Variants in FAM209A observed in about 807,000 individuals in gnomAD.
FAM209A encodes protein FAM209A.
A neutral mutation model predicts 9.8 loss-of-function variants in FAM209A; 4 were observed. That is an observed-to-expected ratio of 0.41 (90% CI 0.20 to 0.94). The LOEUF is 0.94. Among genes scored for constraint, FAM209A ranks in the 40% least tolerant of loss-of-function variants. The pLI, the probability that FAM209A is intolerant of heterozygous loss-of-function variation, is 0.32. For missense variants in FAM209A, 205 were observed against 209.4 expected (o/e 0.98, Z 0.13); for synonymous variants, 55 against 77.8 (o/e 0.71, Z 1.54).
the FAM209A span, among the ~76,000 whole-genome samples, chr20:56,531,948 T>TC: frequency 7.2e-6 from 1 of 139,284 alleles, no homozygotes; most frequent in Non-Finnish European, 1.5e-5. Flanking sequence ...TGTATACTCT[T>TC]TTTTTCTTTT....
chr20:56,533,215 G>C, the FAM209A span: 1 of 1,544,716 alleles, frequency 6.5e-7, no homozygotes, highest in Non-Finnish European at 8.7e-7. Flanking sequence ...TCATCACAAT[G>C]GCCAGGGTGG....
chr20:56,526,654 A>C (rs1985541982), downstream of FAM209A, among the ~76,000 whole-genome samples: 1 of 151,990 alleles, frequency 6.6e-6, no homozygotes, highest in Admixed American at 6.6e-5. Context: ...ATTTAAAAAA[A>C]AAAAAAGGGG....
chr20:56,531,974 C>CTTTTCTT, the FAM209A span, among the ~76,000 whole-genome samples: 56 of 113,004 alleles, frequency 5.0e-4, no homozygotes, highest in South Asian at 1.1e-3. Flanking sequence ...CTTTTCTTTT[C>CTTTTCTT]TTTTTTTTTT....
chr20:56,530,440 CA>C (rs1985703624), downstream of FAM209A, among the ~76,000 whole-genome samples: 1 of 152,168 alleles, frequency 6.6e-6, no homozygotes, highest in South Asian at 2.1e-4. Context: ...ATTCATTGAA[CA>C]ACTATGGTAT....
At chr20:56,527,335 G>T (rs1250556702), downstream of FAM209A, among the ~76,000 whole-genome samples, 2 of 152,002 alleles carry the variant, frequency 1.3e-5, no homozygotes, top group Non-Finnish European at 2.9e-5. Context: ...TTACTTTCTG[G>T]CAACCCAAGA....
At chr20:56,530,505 AT>A (rs1002898573), downstream of FAM209A, among the ~76,000 whole-genome samples, 6 of 150,474 alleles carry the variant, frequency 4.0e-5, no homozygotes, top group Admixed American at 3.3e-4. Context: ...GAATTTATTC[AT>A]TTTTTTTTAG....
At chr20:56,529,773 G>A (rs1985678507), downstream of FAM209A, among the ~76,000 whole-genome samples, 1 of 152,172 alleles carries the variant, frequency 6.6e-6, no homozygotes, top group South Asian at 2.1e-4. Flanking sequence ...AGGTTGCAGT[G>A]AGCCGAGATC....
At chr20:56,533,183 A>G in the FAM209A span, 1 of 1,506,496 alleles carries the variant, frequency 6.6e-7, no homozygotes, top group Non-Finnish European at 8.8e-7. Flanking sequence ...GACTCCTGTG[A>G]CCTGTAACCT....
rs201984160 is a variant in FAM209A, at chr20:56,525,958, G to A, written c.404G>A (p.Arg135His). 131 of 1,614,068 alleles carry A rather than the reference G, an allele frequency of 8.1e-5. No individual in the cohort carries two copies. The African/African-American group carries it at 1.4e-3, about 17-fold the overall frequency. The part of the protein sequence containing the change: ...KFVSKVRNLK[R>H]AMATGSGSNL... The stretch of plus-strand genomic sequence containing the variant: ...GTGTCCAAAGTGCGGAATCTTAAAC[G>A]TGCCATGGCAACAGGTAGTGGCAGT... The change falls in exon 2 of 2, where the codon CGT (arginine) becomes CAT (histidine). Residue 135 changes from arginine to histidine, a missense_variant. By Grantham distance (29) the Arg-to-His change is conservative (BLOSUM62 0). Transcript: ENST00000371328.
chr20:56,526,943 T>G (rs1162308576), downstream of FAM209A, among the ~76,000 whole-genome samples: 1 of 152,186 alleles, frequency 6.6e-6, no homozygotes, highest in African/African-American at 2.4e-5. Flanking sequence ...AATTCATTCA[T>G]CCTATGCCAT....
chr20:56,526,755 C>G (rs1403317793), downstream of FAM209A, among the ~76,000 whole-genome samples: 1 of 151,860 alleles, frequency 6.6e-6, no homozygotes, highest in Admixed American at 6.6e-5. Flanking sequence ...GAGCGAGACT[C>G]CATCTCAAAA....
At position 56,524,988 on chromosome 20, in the gene FAM209A, G is replaced by T. The variant is rs906522410; in HGVS notation, c.180G>T (p.Trp60Cys). 1.2e-6 allele frequency: 2 copies of T among 1,614,182 alleles called. No individual in the cohort carries two copies. ...EHTQGWLGSKWLWLLFVVVPF... is the reference protein window; with the variant it reads ...EHTQGWLGSKCLWLLFVVVPF... ...CCCAAGGCTGGCTTGGGAGCAAATG[G>T]CTCTGGCTTCTTTTTGTTGTTGTGC... Residue 60 changes from tryptophan (W) to cysteine (C), a missense_variant, in exon 1 of 2, where the codon TGG becomes TGT. By Grantham distance (215) the Trp-to-Cys change is radical. Transcript: ENST00000371328.
At chr20:56,532,807 C>T in the FAM209A span, among the ~76,000 whole-genome samples, 12 of 152,048 alleles carry the variant, frequency 7.9e-5, no homozygotes, top group Non-Finnish European at 1.5e-4. Context: ...CAAAGGAAGC[C>T]GGAAACCTGG....
At chr20:56,527,598 A>G (rs1317498991), downstream of FAM209A, among the ~76,000 whole-genome samples, 1 of 152,186 alleles carries the variant, frequency 6.6e-6, no homozygotes. Context: ...TGTCACCCTC[A>G]CAAGCATCAA....
chr20:56,531,652 G>C, the FAM209A span, among the ~76,000 whole-genome samples: 1 of 148,794 alleles, frequency 6.7e-6, no homozygotes, highest in Non-Finnish European at 1.5e-5. Flanking sequence ...CTGAAACACA[G>C]TCTCACTCTG....
chr20:56,524,984 A>G lies in FAM209A; in HGVS notation c.176A>G (p.Lys59Arg), dbSNP rs1985457675. 2 of 1,614,054 alleles carry G rather than the reference A, an allele frequency of 1.2e-6. No homozygotes were observed. Among genetic ancestry groups the G allele is most frequent in the Non-Finnish European group, 1.7e-6 (2 of 1,180,042 alleles). Residue 59 changes from lysine to arginine, a missense_variant, in exon 1 of 2, where the codon AAA becomes AGA. Physicochemically the swap from Lys to Arg is conservative, Grantham distance 26 (BLOSUM62 2). Transcript: ENST00000371328. ...CACACCCAAGGCTGGCTTGGGAGCA[A>G]ATGGCTCTGGCTTCTTTTTGTTGTT... ...PEHTQGWLGS[K>R]WLWLLFVVVP...
downstream of FAM209A, among the ~76,000 whole-genome samples, chr20:56,529,881 C>T (rs759805460): frequency 1.5e-4 from 22 of 151,038 alleles, no homozygotes; most frequent in Non-Finnish European, 2.7e-4. Context: ...ATTAGGCAGG[C>T]GTGATGGCAT....
downstream of FAM209A, among the ~76,000 whole-genome samples, chr20:56,530,570 T>C (rs1985707798): frequency 6.6e-6 from 1 of 152,098 alleles, no homozygotes; most frequent in African/African-American, 2.4e-5. Context: ...TCATCTGAGC[T>C]CATTGCAGCC....
At chr20:56,532,839 C>T in the FAM209A span, among the ~76,000 whole-genome samples, 3 of 152,170 alleles carry the variant, frequency 2.0e-5, no homozygotes, top group East Asian at 3.9e-4. Context: ...GAAATACCCA[C>T]CCCCCACAAC....
Sources: allele counts gnomAD v4.1 joint callset (sites outside exome capture counted in the v4.1 genomes callset), GRCh38; gene constraint gnomAD v4.1.1; transcripts MANE v1.5; gene names NCBI Gene and HGNC (gene_info 2026-07-23, HGNC 2026-07-21).